Variants in TPRG1 observed in about 807,000 individuals in gnomAD.
The protein encoded by TPRG1 is tumor protein p63 regulated 1.
TPRG1 carries 29 observed loss-of-function variants against 29.3 expected under a neutral mutation model. The observed-to-expected ratio is 0.99, with a 90% confidence interval of 0.74 to 1.35. The LOEUF (loss-of-function observed/expected upper bound fraction) is 1.35. TPRG1 is among the 40% of genes most tolerant of loss of function. The pLI, the probability that TPRG1 is intolerant of heterozygous loss-of-function variation, is 0.00. For missense variants in TPRG1, 327 were observed against 335.0 expected, an observed-to-expected ratio of 0.98 and a Z score of 0.19; for synonymous variants, 130 against 116.8, an observed-to-expected ratio of 1.11 and a Z score of -0.73.
At chr3:189,035,555 T>C (rs907902462) in intron 4 of TPRG1, among the ~76,000 whole-genome samples, 2 of 152,062 alleles carry the variant, frequency 1.3e-5, no homozygotes, top group African/African-American at 2.4e-5. Flanking sequence ...GTGTACTATC[T>C]AGAATCTATA....
At chr3:189,169,990 G>A (rs1316741123), upstream of TPRG1, among the ~76,000 whole-genome samples, 4 of 152,300 alleles carry the variant, frequency 2.6e-5, no homozygotes, top group South Asian at 2.1e-4. Flanking sequence ...TTCAGTGGCC[G>A]CTGGAAACCT....
intron 1 of TPRG1, among the ~76,000 whole-genome samples, chr3:189,108,945 G>A (rs1033162504): frequency 6.6e-6 from 1 of 152,014 alleles, no homozygotes; most frequent in Admixed American, 6.6e-5. Context: ...ATTGCCTCAG[G>A]GGAGGCAGGA....
At chr3:189,151,098 A>C (rs1387850080) in intron 5 of TPRG1, 4 of 152,242 alleles carry the variant, frequency 2.6e-5, no homozygotes. Context: ...AAAACTGCTG[A>C]GTAATTTTCA....
chr3:189,016,234 C>T (rs1712926658), intron 3 of TPRG1, among the ~76,000 whole-genome samples: 1 of 152,038 alleles, frequency 6.6e-6, no homozygotes, highest in Non-Finnish European at 1.5e-5. Context: ...TAAAGACTGC[C>T]CTGCTGGGTT....
At chr3:189,296,726 T>C (rs915394559) in intron 4 of TPRG1, among the ~76,000 whole-genome samples, 2 of 152,212 alleles carry the variant, frequency 1.3e-5, no homozygotes, top group East Asian at 1.9e-4. Context: ...GTTGAAGAAA[T>C]AGGTGTCTGT....
chr3:189,193,847 G>A (rs947867342), intron 1 of TPRG1, among the ~76,000 whole-genome samples: 1 of 149,354 alleles, frequency 6.7e-6, no homozygotes, highest in Admixed American at 6.7e-5. Flanking sequence ...GTATGTTTTT[G>A]GTTGTTTGTT....
Position 189,250,509 on chromosome 3 carries a change from C to CA in TPRG1, c.479+11600_479+11601insA, listed in dbSNP as rs370290166. 4.3e-4 allele frequency among the ~76,000 whole-genome samples: 31 copies of CA among 72,264 alleles called. 3 individuals are homozygous for CA. Among genetic ancestry groups the CA allele is most frequent in the African/African-American group, 1.8e-3 (28 of 15,996 alleles). The allele number at this position is 72,264 out of a possible 152,430, so 47.4% of individuals were successfully genotyped here. A position where few individuals can be genotyped will look rare whatever the true frequency, so the allele number is the denominator to read the frequency against. ...GTTAACAAGTTCTGATTTCCGCCCC[C>CA]CCCCCCCCACCCAGATTAAAGCTTT... is the stretch of plus-strand genomic sequence containing the variant. On this transcript the variant is annotated intron_variant, in intron 4 of 5. Transcript: ENST00000345063.
At chr3:189,056,699 G>A (rs1715720406) in intron 4 of TPRG1, among the ~76,000 whole-genome samples, 1 of 152,164 alleles carries the variant, frequency 6.6e-6, no homozygotes, top group African/African-American at 2.4e-5. Context: ...CATGGTAGGG[G>A]TTCAGATGAT....
At position 189,252,716 on chromosome 3, in the gene TPRG1, A is replaced by G. The variant is rs945236220; in HGVS notation, c.479+13807A>G. On this transcript the variant is annotated intron_variant, in intron 4 of 5. Transcript: ENST00000345063. ...TTTCAATCTATAAAATGTCAATAAT[A>G]TAAAACCTTGGGAGACCTAACTCAT... is the stretch of plus-strand genomic sequence containing the variant. 3.9e-5 allele frequency among the ~76,000 whole-genome samples: 6 copies of G among 152,348 alleles called. No homozygotes were observed. The East Asian group carries it at 1.2e-3, about 29-fold the overall frequency.
chr3:189,145,779 G>T (rs987397247), intron 3 of TPRG1, among the ~76,000 whole-genome samples: 1 of 152,216 alleles, frequency 6.6e-6, no homozygotes, highest in Non-Finnish European at 1.5e-5. Context: ...GCGTGGAGAT[G>T]ATATTGGAGG....
chr3:189,239,771 T>C (rs1740212903), intron 4 of TPRG1, among the ~76,000 whole-genome samples: 1 of 152,182 alleles, frequency 6.6e-6, no homozygotes, highest in South Asian at 2.1e-4. Flanking sequence ...TTGGGATCAT[T>C]CCTGGAAGTT....
At chr3:189,092,175 A>G (rs1429934956) in intron 4 of TPRG1, among the ~76,000 whole-genome samples, 1 of 152,204 alleles carries the variant, frequency 6.6e-6, no homozygotes, top group Non-Finnish European at 1.5e-5. Flanking sequence ...CAATAATCAA[A>G]AATTCAAATA....
At position 189,021,299 on chromosome 3, in the gene TPRG1, G is replaced by A. The variant is rs1009307638; in HGVS notation, c.-659-2451G>A. Among the ~76,000 whole-genome samples, 9 of 151,114 alleles carry A rather than the reference G, an allele frequency of 6.0e-5. No homozygotes were observed. In the South Asian group the frequency reaches 6.4e-4, roughly 11 times the overall value. ...ATGATGTTAGCTGGTTATTTTGCTC[G>A]TTAGTTGATGCAGTTTCTTCCTAGT... is the stretch of plus-strand genomic sequence containing the variant. On this transcript the variant is annotated intron_variant, in intron 3 of 10. Transcript: ENST00000433971.
At chr3:189,113,725 A>G (rs1720828278) in intron 1 of TPRG1, among the ~76,000 whole-genome samples, 1 of 151,636 alleles carries the variant, frequency 6.6e-6, no homozygotes, top group Non-Finnish European at 1.5e-5. Context: ...CAATGAGAAC[A>G]CATGGACACA....
At chr3:189,209,334 C>T (rs749839811) in intron 2 of TPRG1, among the ~76,000 whole-genome samples, 34 of 152,210 alleles carry the variant, frequency 2.2e-4, no homozygotes, top group Non-Finnish European at 4.0e-4. Flanking sequence ...TGTTTCAATT[C>T]TACCTTTTGA....
chr3:189,159,853 T>C (rs2108626800), intron 5 of TPRG1, among the ~76,000 whole-genome samples: 1 of 140,430 alleles, frequency 7.1e-6, no homozygotes, highest in Non-Finnish European at 1.6e-5. Flanking sequence ...TGTGTGTGTG[T>C]GTGTGTGTGT....
At chr3:189,012,664 A>G (rs1390499365) in intron 3 of TPRG1, among the ~76,000 whole-genome samples, 1 of 152,084 alleles carries the variant, frequency 6.6e-6, no homozygotes, top group Non-Finnish European at 1.5e-5. Flanking sequence ...TACTGACTCA[A>G]TTTCAGAACT....
chr3:189,144,095 G>A (rs1056767541), intron 3 of TPRG1, among the ~76,000 whole-genome samples: 5 of 152,114 alleles, frequency 3.3e-5, no homozygotes, highest in African/African-American at 1.2e-4. Flanking sequence ...AAAACTTTGA[G>A]TTATCTCTGT....
At chr3:189,146,711 C>T (rs79120428) in intron 3 of TPRG1, among the ~76,000 whole-genome samples, 59 of 152,306 alleles carry the variant, frequency 3.9e-4, no homozygotes, top group African/African-American at 1.4e-3. Context: ...GAGCTATCCA[C>T]AGTTTACATA....
Sources: allele counts gnomAD v4.1 joint callset (sites outside exome capture counted in the v4.1 genomes callset), GRCh38; gene constraint gnomAD v4.1.1; transcripts MANE v1.5; gene names NCBI Gene and HGNC (gene_info 2026-07-23, HGNC 2026-07-21).